Variants in LDLRAD4 observed in about 807,000 individuals in gnomAD.
LDLRAD4 encodes the protein low-density lipoprotein receptor class A domain-containing protein 4.
A neutral mutation model predicts 17.0 loss-of-function variants in LDLRAD4; 5 were observed. That is an observed-to-expected ratio of 0.29 (90% CI 0.15 to 0.62). LDLRAD4 has a LOEUF of 0.62. Ranked by LOEUF, LDLRAD4 falls within the 20% of genes least tolerant of loss-of-function variation. The pLI, the probability that LDLRAD4 is intolerant of heterozygous loss-of-function variation, is 0.84. For missense variants in LDLRAD4, 340 were observed against 424.7 expected, an observed-to-expected ratio of 0.80 and a Z score of 1.75; for synonymous variants, 168 against 171.8, an observed-to-expected ratio of 0.98 and a Z score of 0.17.
Position 13,334,208 on chromosome 18 carries a change from C to T in LDLRAD4, c.-382-53133C>T, listed in dbSNP as rs1308064960. On this transcript the variant is annotated intron_variant, in intron 1 of 5. Coordinates refer to ENST00000359446, the Ensembl canonical transcript of LDLRAD4. Reference sequence around the variant, plus strand: ...TAAATTTCATATTTCATTTGTTCTTCGCTGGTCTATAGGAAAGCAATTACC... The same window carrying T: ...TAAATTTCATATTTCATTTGTTCTTTGCTGGTCTATAGGAAAGCAATTACC... Among the ~76,000 whole-genome samples the T allele has an allele frequency of 8.4e-4, 127 of 151,882 alleles. 2 individuals carry two copies. Among genetic ancestry groups the T allele is most frequent in the Admixed American group, 7.9e-3 (120 of 15,246 alleles).
chr18:13,345,894 A>G (rs574895046), intron 1 of LDLRAD4, among the ~76,000 whole-genome samples: 1 of 152,236 alleles, frequency 6.6e-6, no homozygotes, highest in East Asian at 1.9e-4. Context: ...CTCTGATGGT[A>G]GTTTGTATTT....
At chr18:13,306,424 C>T (rs1487431315) in intron 1 of LDLRAD4, among the ~76,000 whole-genome samples, 3 of 152,204 alleles carry the variant, frequency 2.0e-5, no homozygotes, top group Non-Finnish European at 1.5e-5. Context: ...TCTTTCAATA[C>T]TGGACAGTGC....
At chr18:13,498,803 C>A (rs559534600) in intron 3 of LDLRAD4, among the ~76,000 whole-genome samples, 35 of 143,182 alleles carry the variant, frequency 2.4e-4, no homozygotes, top group African/African-American at 8.6e-4. Flanking sequence ...ACACACGTCC[C>A]GCCGTGGACA....
At chr18:13,264,933 G>T (rs1341259198) in intron 1 of LDLRAD4, among the ~76,000 whole-genome samples, 1 of 152,208 alleles carries the variant, frequency 6.6e-6, no homozygotes, top group East Asian at 1.9e-4. Context: ...TGAGGAAGAC[G>T]TTGGCAAATT....
At chr18:13,610,305 T>TTTTTTTTTTTTA in intron 3 of LDLRAD4, among the ~76,000 whole-genome samples, 1 of 24,364 alleles carries the variant, frequency 4.1e-5, no homozygotes, top group African/African-American at 1.4e-4. Context: ...TTTTTTTTTT[T>TTTTTTTTTTTTA]GAGACGGAGT....
intron 3 of LDLRAD4, among the ~76,000 whole-genome samples, chr18:13,508,439 G>A (rs1235189606): frequency 6.6e-6 from 1 of 152,206 alleles, no homozygotes; most frequent in Non-Finnish European, 1.5e-5. Context: ...GGTTTTCATA[G>A]CTGGAGAGGT....
chr18:13,473,722 G>A (rs1219675133), intron 3 of LDLRAD4, among the ~76,000 whole-genome samples: 1 of 142,582 alleles, frequency 7.0e-6, no homozygotes, highest in African/African-American at 2.6e-5. Context: ...ATATTATACA[G>A]GGGCGGGGCT....
chr18:13,408,961 G>T (rs12326878), intron 2 of LDLRAD4, among the ~76,000 whole-genome samples: 74,668 of 151,852 alleles, frequency 0.49, 19,189 homozygotes, highest in Non-Finnish European at 0.56. Flanking sequence ...CTGAAGTGAT[G>T]ATGATTACAT....
At chr18:13,450,138 C>T (rs2091707507) in intron 3 of LDLRAD4, among the ~76,000 whole-genome samples, 1 of 152,176 alleles carries the variant, frequency 6.6e-6, no homozygotes, top group South Asian at 2.1e-4. Flanking sequence ...CCAATCTGAC[C>T]TTAAAAGGCT....
chr18:13,509,185 G>T (rs534786765), intron 3 of LDLRAD4, among the ~76,000 whole-genome samples: 1 of 152,316 alleles, frequency 6.6e-6, no homozygotes, highest in Admixed American at 6.5e-5. Context: ...ATCATGGTGT[G>T]CACCTATGGT....
intron 3 of LDLRAD4, among the ~76,000 whole-genome samples, chr18:13,490,833 G>C (rs372051882): frequency 5.3e-5 from 8 of 152,300 alleles, no homozygotes; most frequent in African/African-American, 1.9e-4. Flanking sequence ...GGCAGGATGT[G>C]CATTTTTGCA....
At chr18:13,317,163 T>A (rs2080977489) in intron 1 of LDLRAD4, among the ~76,000 whole-genome samples, 1 of 152,156 alleles carries the variant, frequency 6.6e-6, no homozygotes, top group Admixed American at 6.5e-5. Flanking sequence ...TTGCCAAAGA[T>A]AGCAGCTTCT....
intron 1 of LDLRAD4, among the ~76,000 whole-genome samples, chr18:13,349,420 A>G (rs940232566): frequency 4.6e-5 from 7 of 152,216 alleles, no homozygotes; most frequent in African/African-American, 1.4e-4. Flanking sequence ...GTTACAGACC[A>G]AAATTACAAT....
chr18:13,290,372 A>T (rs2045896310), intron 1 of LDLRAD4, among the ~76,000 whole-genome samples: 1 of 152,176 alleles, frequency 6.6e-6, no homozygotes, highest in South Asian at 2.1e-4. Flanking sequence ...CGTTGTTTAT[A>T]TCTTAAGCAT....
At chr18:13,261,167 C>T (rs75951263) in intron 1 of LDLRAD4, among the ~76,000 whole-genome samples, 63 of 152,316 alleles carry the variant, frequency 4.1e-4, no homozygotes, top group East Asian at 1.7e-3. Context: ...GCATTGGGAA[C>T]GGTGAGGTGC....
chr18:13,386,037 A>G (rs1214351021), intron 1 of LDLRAD4, among the ~76,000 whole-genome samples: 8 of 152,226 alleles, frequency 5.3e-5, no homozygotes, highest in African/African-American at 1.9e-4. Context: ...CGTATCAGTG[A>G]TGTGTTACTT....
At chr18:13,249,273 G>A (rs746243338) in intron 1 of LDLRAD4, among the ~76,000 whole-genome samples, 1 of 152,184 alleles carries the variant, frequency 6.6e-6, no homozygotes, top group Non-Finnish European at 1.5e-5. Context: ...CCGAGTAGCA[G>A]GACTGCTGGA....
chr18:13,230,838 T>C (rs1168265071), intron 1 of LDLRAD4, among the ~76,000 whole-genome samples: 1 of 152,210 alleles, frequency 6.6e-6, no homozygotes, highest in East Asian at 1.9e-4. Flanking sequence ...AGGCTCCTCT[T>C]TCTGGTCCAT....
At chr18:13,273,129 A>G (rs1445850782), upstream of LDLRAD4, among the ~76,000 whole-genome samples, 1 of 152,094 alleles carries the variant, frequency 6.6e-6, no homozygotes, top group African/African-American at 2.4e-5. Context: ...ATCTGTGGTG[A>G]TGGGGTGGGT....
Sources: allele counts gnomAD v4.1 joint callset (sites outside exome capture counted in the v4.1 genomes callset), GRCh38; gene constraint gnomAD v4.1.1; transcripts MANE v1.5; gene names NCBI Gene and HGNC (gene_info 2026-07-23, HGNC 2026-07-21).